SKAP1: variants seen among roughly 807,000 people sequenced by gnomAD.
SKAP1 encodes the protein src kinase-associated phosphoprotein 1.
In SKAP1, 44 loss-of-function variants were observed where a neutral mutation model predicts 58.5. That is an observed-to-expected ratio of 0.75 (90% CI 0.59 to 0.97). SKAP1 has a LOEUF of 0.97. Among genes scored for constraint, SKAP1 ranks in the 50% least tolerant of loss-of-function variants. The pLI is 0.00. For synonymous variants in SKAP1, 127 were observed against 149.7 expected, an observed-to-expected ratio of 0.85 and a Z score of 1.11; for missense variants, 390 against 435.2, an observed-to-expected ratio of 0.90 and a Z score of 0.92.
At chr17:48,231,057 C>A (rs988719459) in intron 4 of SKAP1, among the ~76,000 whole-genome samples, 2 of 152,116 alleles carry the variant, frequency 1.3e-5, no homozygotes, top group African/African-American at 4.8e-5. Flanking sequence ...TAGATGCAGG[C>A]AGTGTTTACA....
intron 4 of SKAP1, among the ~76,000 whole-genome samples, chr17:48,206,945 C>T (rs949525576): frequency 6.6e-5 from 10 of 152,046 alleles, no homozygotes; most frequent in African/African-American, 2.4e-4. Context: ...ACCATTGTGC[C>T]TGGCTTTATT....
intron 4 of SKAP1, among the ~76,000 whole-genome samples, chr17:48,219,919 G>A (rs147605871): frequency 1.8e-3 from 278 of 152,282 alleles, no homozygotes; most frequent in African/African-American, 6.4e-3. Context: ...ACTGGCAAAT[G>A]TACAATGGAA....
At chr17:48,300,193 C>T (rs1273940508) in intron 4 of SKAP1, among the ~76,000 whole-genome samples, 5 of 152,078 alleles carry the variant, frequency 3.3e-5, no homozygotes, top group Non-Finnish European at 4.4e-5. Context: ...AGTGTTTTGG[C>T]CTTGTGATGC....
intron 8 of SKAP1, among the ~76,000 whole-genome samples, chr17:48,181,472 G>A (rs535095370): frequency 1.8e-4 from 28 of 152,162 alleles, no homozygotes; most frequent in Non-Finnish European, 4.0e-4. Context: ...TGACGCTGTT[G>A]GTAGATGCAA....
intron 4 of SKAP1, among the ~76,000 whole-genome samples, chr17:48,289,366 T>C (rs1456975485): frequency 2.0e-5 from 3 of 152,144 alleles, no homozygotes; most frequent in Non-Finnish European, 4.4e-5. Context: ...AAATTTGATA[T>C]CTTGGAAATA....
chr17:48,442,340 G>A, the SKAP1 span, among the ~76,000 whole-genome samples: 13,805 of 152,130 alleles, frequency 0.091, 957 homozygotes, highest in African/African-American at 0.16. Context: ...CACAGAAAAA[G>A]CAATCTATCC....
intron 11 of SKAP1, among the ~76,000 whole-genome samples, chr17:48,157,289 G>A (rs377505422): frequency 2.6e-4 from 40 of 151,580 alleles, no homozygotes; most frequent in African/African-American, 9.7e-4. Flanking sequence ...AAGCTGGAGC[G>A]CAGTGGCGTA....
intron 2 of SKAP1, among the ~76,000 whole-genome samples, chr17:48,367,536 G>GTATATATATACATGGATATATATCCA (rs2067020396): frequency 7.4e-6 from 1 of 135,602 alleles, no homozygotes; most frequent in Non-Finnish European, 1.6e-5. Flanking sequence ...GTATGTGTGT[G>GTATATATATACATGGATATATATCCA]TATATATATA....
intron 4 of SKAP1, among the ~76,000 whole-genome samples, chr17:48,240,535 T>A (rs1176615638): frequency 6.6e-6 from 1 of 152,226 alleles, no homozygotes; most frequent in East Asian, 1.9e-4. Context: ...ACAACCAGTA[T>A]AGAAATACAG....
intron 11 of SKAP1, among the ~76,000 whole-genome samples, chr17:48,147,406 G>C (rs1280556859): frequency 6.6e-6 from 1 of 152,120 alleles, no homozygotes; most frequent in Admixed American, 6.5e-5. Flanking sequence ...TTTTTACTCT[G>C]GATTTCCCCA....
At chr17:48,390,791 T>C (rs1041372870) in intron 2 of SKAP1, among the ~76,000 whole-genome samples, 5 of 152,134 alleles carry the variant, frequency 3.3e-5, no homozygotes, top group African/African-American at 1.2e-4. Context: ...AAAAATACAT[T>C]GTCCTAGGTG....
At chr17:48,232,434 TATA>T (rs2065135873) in intron 4 of SKAP1, among the ~76,000 whole-genome samples, 1 of 152,252 alleles carries the variant, frequency 6.6e-6, no homozygotes. Context: ...CAAATATTTA[TATA>T]ATGATCACAA....
chr17:48,307,211 G>C (rs370041235), intron 4 of SKAP1: 1 of 152,202 alleles, frequency 6.6e-6, no homozygotes, highest in East Asian at 1.9e-4. Context: ...AGCTGAAAAA[G>C]CTTTGCTTAG....
chr17:48,141,806 G>A (rs1350563200), intron 11 of SKAP1, among the ~76,000 whole-genome samples: 1 of 152,146 alleles, frequency 6.6e-6, no homozygotes, highest in Non-Finnish European at 1.5e-5. Flanking sequence ...CTGCTCCCAT[G>A]GGCCACAGGC....
intron 11 of SKAP1, among the ~76,000 whole-genome samples, chr17:48,144,629 G>C (rs548395374): frequency 3.9e-4 from 60 of 152,308 alleles, no homozygotes; most frequent in African/African-American, 1.3e-3. Flanking sequence ...TATTAAAATG[G>C]AGAGAGTACT....
intron 4 of SKAP1, among the ~76,000 whole-genome samples, chr17:48,312,745 C>G (rs1459498276): frequency 1.3e-5 from 2 of 152,044 alleles, no homozygotes; most frequent in South Asian, 2.1e-4. Context: ...GAGAGAGACC[C>G]CCAAACAACT....
At chr17:48,244,420 T>C (rs1036415438) in intron 4 of SKAP1, among the ~76,000 whole-genome samples, 1 of 152,160 alleles carries the variant, frequency 6.6e-6, no homozygotes, top group African/African-American at 2.4e-5. Context: ...TTCTATCCTA[T>C]TGAAACGCCA....
chr17:48,223,672 T>C (rs2065030778), intron 4 of SKAP1, among the ~76,000 whole-genome samples: 1 of 152,138 alleles, frequency 6.6e-6, no homozygotes, highest in African/African-American at 2.4e-5. Flanking sequence ...TCACATGCAT[T>C]TGAAAATAAG....
At chr17:48,429,817 G>T (rs1431543632) in intron 1 of SKAP1, among the ~76,000 whole-genome samples, 2 of 152,206 alleles carry the variant, frequency 1.3e-5, no homozygotes, top group East Asian at 3.8e-4. Flanking sequence ...CTGGCCTGAG[G>T]ACTTTAGAAG....
Sources: allele counts gnomAD v4.1 joint callset (sites outside exome capture counted in the v4.1 genomes callset), GRCh38; gene constraint gnomAD v4.1.1; transcripts MANE v1.5; gene names NCBI Gene and HGNC (gene_info 2026-07-23, HGNC 2026-07-21).